The following DISP1 variants were observed in gnomAD, a reference collection of about 807,000 sequenced individuals.
DISP1 encodes dispatched RND transporter family member 1.
DISP1 carries 30 observed loss-of-function variants against 37.3 expected under a neutral mutation model. The ratio of observed to expected loss-of-function variants is 0.80; its 90% CI spans 0.60 to 1.09. The LOEUF is 1.09. Among genes scored for constraint, DISP1 ranks in the 50% least tolerant of loss-of-function variants. DISP1 has a pLI of 0.00. For synonymous variants in DISP1, 634 were observed against 690.2 expected (o/e 0.92, Z 1.28); for missense variants, 1,598 against 1,879.5 (o/e 0.85, Z 2.77).
chr1:222,989,890 C>A (rs1383594825), intron 4 of DISP1, among the ~76,000 whole-genome samples: 2 of 151,982 alleles, frequency 1.3e-5, no homozygotes, highest in African/African-American at 4.8e-5. Context: ...GCAACCTCCA[C>A]CTCCCGGGTC....
intron 1 of DISP1, among the ~76,000 whole-genome samples, chr1:222,909,837 A>T (rs577014585): frequency 3.9e-5 from 6 of 152,224 alleles, no homozygotes; most frequent in African/African-American, 1.4e-4. Context: ...GAGACGGTGG[A>T]GCTCATGCCT....
chr1:222,851,527 G>A (rs1227285662), intron 1 of DISP1, among the ~76,000 whole-genome samples: 1 of 152,074 alleles, frequency 6.6e-6, no homozygotes, highest in Admixed American at 6.5e-5. Flanking sequence ...ATTAGTATTA[G>A]GGAAACTTTC....
At chr1:222,847,328 G>A (rs1667968560) in intron 1 of DISP1, among the ~76,000 whole-genome samples, 1 of 152,112 alleles carries the variant, frequency 6.6e-6, no homozygotes, top group South Asian at 2.1e-4. Flanking sequence ...TTTCATTCAA[G>A]GGTCCTGGTT....
intron 3 of DISP1, among the ~76,000 whole-genome samples, chr1:222,961,094 G>T (rs1266620769): frequency 6.8e-6 from 1 of 146,896 alleles, no homozygotes; most frequent in Non-Finnish European, 1.6e-5. Context: ...CAGAAAAAGA[G>T]GGATTCCTCC....
At chr1:222,975,800 T>C (rs1677275176) in intron 3 of DISP1, among the ~76,000 whole-genome samples, 1 of 152,242 alleles carries the variant, frequency 6.6e-6, no homozygotes, top group South Asian at 2.1e-4. Flanking sequence ...TTACTAATTA[T>C]GAGAACCCCA....
intron 4 of DISP1, among the ~76,000 whole-genome samples, chr1:222,984,342 T>C (rs1678061939): frequency 6.7e-6 from 1 of 148,730 alleles, no homozygotes; most frequent in Non-Finnish European, 1.5e-5. Context: ...AGGAAGCAGT[T>C]TGTGCTTAGC....
chr1:222,826,848 T>G (rs372646159), intron 1 of DISP1, among the ~76,000 whole-genome samples: 8 of 152,320 alleles, frequency 5.3e-5, no homozygotes, highest in African/African-American at 1.9e-4. Flanking sequence ...ATTTGGACAA[T>G]CTGACTTCAG....
At chr1:222,872,177 A>G (rs1274303640) in intron 1 of DISP1, 3 of 152,196 alleles carry the variant, frequency 2.0e-5, no homozygotes, top group African/African-American at 4.8e-5. Context: ...GTGCTGCTGA[A>G]TTCGGTTTGC....
intron 1 of DISP1, among the ~76,000 whole-genome samples, chr1:222,865,462 A>G (rs2125333421): frequency 6.6e-6 from 1 of 152,284 alleles, no homozygotes; most frequent in African/African-American, 2.4e-5. Flanking sequence ...TTTTTAAATG[A>G]ATAGAAAAAT....
At position 223,003,506 on chromosome 1, in the gene DISP1, A is replaced by C; in HGVS notation, c.2109A>C (p.Arg703=). Residue 703 remains arginine, a synonymous_variant, in exon 9 of 9, where the codon CGA becomes CGC. Transcript: ENST00000675850. The surrounding 1 kb of genome is among the most constrained non-coding windows in gnomAD (Gnocchi z 4.3). ...TCTTTGCCATTTCAGAAGCATCTCG[A>C]ATTTTTTTCGAAAAAGTATTGCCAT... ...KVLFAISEAS[R]IFFEKVLPCI... is the part of the protein sequence containing the mutation. 1.2e-6 allele frequency: 2 copies of C among 1,614,180 alleles called. No homozygotes were observed. Among genetic ancestry groups the C allele is most frequent in the Non-Finnish European group, 1.7e-6 (2 of 1,180,028 alleles).
Position 223,003,062 on chromosome 1 carries a change from T to C in DISP1, c.1665T>C (p.Phe555=), listed in dbSNP as rs764015276. The C allele has an allele frequency of 5.9e-5, 96 of 1,614,118 alleles. No homozygotes were observed. The highest frequency in any genetic ancestry group is 7.9e-5 in the Non-Finnish European group (93 of 1,180,062). The change falls in exon 9 of 9, where the codon TTT becomes TTC. Residue 555 remains phenylalanine (F), a synonymous_variant. Coordinates refer to ENST00000675850, the MANE Select transcript of DISP1 (RefSeq NM_001377229.1). The surrounding 1 kb of genome is among the most constrained non-coding windows in gnomAD (Gnocchi z 4.3). ...LYRVVFHFEF[F]PFMNLTALII... is the part of the protein sequence containing the mutation. ...GTGTAGTATTTCACTTCGAATTTTT[T>C]CCTTTTATGAACCTCACTGCCCTCA... is the stretch of plus-strand genomic sequence containing the variant.
intron 1 of DISP1, among the ~76,000 whole-genome samples, chr1:222,835,717 C>T (rs984711495): frequency 1.2e-4 from 18 of 151,786 alleles, no homozygotes; most frequent in African/African-American, 3.4e-4. Flanking sequence ...TTTGGGAGGC[C>T]GAGGCAGGTG....
intron 1 of DISP1, among the ~76,000 whole-genome samples, chr1:222,898,215 C>T (rs1671376790): frequency 6.6e-6 from 1 of 152,122 alleles, no homozygotes; most frequent in Non-Finnish European, 1.5e-5. Context: ...AAAGCCTGCA[C>T]TAGCAGATGT....
chr1:222,918,527 G>GA (rs1313740476), intron 1 of DISP1, among the ~76,000 whole-genome samples: 2 of 152,112 alleles, frequency 1.3e-5, no homozygotes, highest in Non-Finnish European at 2.9e-5. Context: ...CCTTCTCCAT[G>GA]AAAGGAGAGA....
intron 1 of DISP1, among the ~76,000 whole-genome samples, chr1:222,855,945 A>G (rs1186499836): frequency 6.6e-6 from 1 of 151,976 alleles, no homozygotes; most frequent in East Asian, 1.9e-4. Context: ...GGAGAGCTAA[A>G]CTAACAGAAC....
At chr1:222,898,949 A>C (rs1671431581) in intron 1 of DISP1, among the ~76,000 whole-genome samples, 3 of 152,172 alleles carry the variant, frequency 2.0e-5, no homozygotes, top group African/African-American at 7.2e-5. Flanking sequence ...AAGTTATTTT[A>C]ACCTTGTGAC....
chr1:222,835,910 G>A (rs1435754571), intron 1 of DISP1, among the ~76,000 whole-genome samples: 9 of 148,624 alleles, frequency 6.1e-5, no homozygotes, highest in Non-Finnish European at 1.2e-4. Context: ...AGCCGAGATC[G>A]TGTCACTGCA....
chr1:222,957,545 T>A (rs549400858), intron 3 of DISP1, among the ~76,000 whole-genome samples: 1 of 152,168 alleles, frequency 6.6e-6, no homozygotes, highest in East Asian at 1.9e-4. Flanking sequence ...GCTGAGATTA[T>A]GCCACTGCAC....
chr1:222,835,218 A>G (rs1323221484), intron 1 of DISP1: 1 of 152,200 alleles, frequency 6.6e-6, no homozygotes, highest in African/African-American at 2.4e-5. Flanking sequence ...TTTAAAAGGT[A>G]ATTTCAAATT....
Sources: gnomAD v4.1 joint callset for allele counts (sites outside exome capture counted in the v4.1 genomes callset) on GRCh38, gnomAD v4.1.1 for gene constraint, Gnocchi (gnomAD v3.1) non-coding constraint, MANE v1.5 for transcripts, NCBI Gene and HGNC (gene_info 2026-07-23, HGNC 2026-07-21) for gene names.